Variants in RBL1 observed in about 807,000 individuals in gnomAD.
The protein encoded by RBL1 is RB transcriptional corepressor like 1.
RBL1 carries 82 observed loss-of-function variants against 123.0 expected under a neutral mutation model. That is an observed-to-expected ratio of 0.67 (90% CI 0.56 to 0.80). RBL1 has a LOEUF of 0.80. RBL1 is among the 30% of genes least tolerant of loss of function. The pLI is 0.00. For missense variants in RBL1, 1,171 were observed against 1,299.6 expected (o/e 0.90, Z 1.52); for synonymous variants, 405 against 441.3 (o/e 0.92, Z 1.03).
intron 9 of RBL1, among the ~76,000 whole-genome samples, chr20:37,059,522 A>G (rs985949026): frequency 3.3e-5 from 5 of 152,148 alleles, no homozygotes; most frequent in African/African-American, 9.6e-5. Context: ...CGGACTTTCA[A>G]TTGGGAAGGT....
Position 37,095,993 on chromosome 20 carries a change from C to A in RBL1, c.-65G>T. The A allele has an allele frequency of 7.8e-7, 1 of 1,279,680 alleles. No individual in the cohort carries two copies. The highest frequency in any genetic ancestry group is 2.9e-4 in the Middle Eastern group (1 of 3,402). 79.3% of individuals were successfully genotyped at this position (1,279,680 alleles called of 1,614,324 possible). Reference sequence around the variant, plus strand: ...TTCTTTCTCCCTCCCAGGCGCGCTACCCACAACCACCTGCGCCAAAGCGCG... The same window carrying A: ...TTCTTTCTCCCTCCCAGGCGCGCTAACCACAACCACCTGCGCCAAAGCGCG... On this transcript the variant is annotated 5_prime_UTR_variant, in exon 1 of 22. Coordinates refer to ENST00000373664, the MANE Select transcript of RBL1 (RefSeq NM_002895.5).
At chr20:37,044,352 T>G in intron 12 of RBL1, 102 bp from the exon 13 acceptor site, 1 of 1,204,372 alleles carries the variant, frequency 8.3e-7, no homozygotes, top group Non-Finnish European at 1.2e-6. Context: ...TTCTTCTTTT[T>G]TTTGAGACGG....
intron 11 of RBL1, among the ~76,000 whole-genome samples, chr20:37,054,044 C>T (rs1447630197): frequency 6.6e-6 from 1 of 151,806 alleles, no homozygotes; most frequent in Non-Finnish European, 1.5e-5. Context: ...CACACACACA[C>T]ACACACACAC....
chr20:37,068,244 T>C, intron 2 of RBL1, 58 bp from the exon 3 acceptor site: 2 of 1,495,616 alleles, frequency 1.3e-6, no homozygotes, highest in East Asian at 4.9e-5. Flanking sequence ...AATAATGGAT[T>C]GAAAGGAAAT....
intron 7 of RBL1, among the ~76,000 whole-genome samples, chr20:37,062,729 G>A (rs1252300349): frequency 6.6e-6 from 1 of 151,848 alleles, no homozygotes; most frequent in African/African-American, 2.4e-5. Context: ...GCCGAGGCGG[G>A]CAGATCACGA....
chr20:37,049,917 C>A (rs1386846911), intron 11 of RBL1, among the ~76,000 whole-genome samples: 1 of 151,758 alleles, frequency 6.6e-6, no homozygotes, highest in African/African-American at 2.4e-5. Context: ...ACAAAAGTAG[C>A]CAGGTGTGGT....
intron 11 of RBL1, among the ~76,000 whole-genome samples, chr20:37,049,052 A>T (rs994847143): frequency 6.6e-6 from 1 of 151,828 alleles, no homozygotes; most frequent in African/African-American, 2.4e-5. Flanking sequence ...AAAACACAAA[A>T]ATTAGCTGGG....
intron 19 of RBL1, among the ~76,000 whole-genome samples, chr20:37,010,760 ATGTGTG>A (rs374094594): frequency 1.3e-4 from 19 of 143,066 alleles, no homozygotes; most frequent in African/African-American, 3.1e-4. Flanking sequence ...GCACATGACT[ATGTGTG>A]TGTGTGTGTG....
In RBL1 at chr20:37,060,340, T is replaced by C. The variant is rs554172981; in HGVS notation, c.1250+763A>G. Among the ~76,000 whole-genome samples the C allele has an allele frequency of 6.6e-5, 10 of 152,112 alleles. No homozygotes were observed. The South Asian group carries it at 1.9e-3, about 28-fold the overall frequency. On this transcript the variant is annotated intron_variant, in intron 9 of 21. Transcript: ENST00000373664. Reference sequence around the variant, plus strand: ...CTTTAGAAACAAACAAAAATAAAAATAAATTAAAAATAAAGTCAATGTAAA... The same window carrying C: ...CTTTAGAAACAAACAAAAATAAAAACAAATTAAAAATAAAGTCAATGTAAA...
intron 12 of RBL1, 75 bp downstream of exon 12, chr20:37,046,978 A>G (rs1334193557): frequency 2.7e-6 from 4 of 1,467,086 alleles, no homozygotes; most frequent in Admixed American, 3.0e-5. Flanking sequence ...GTTTTTCTTC[A>G]GCACTAAGAT....
At chr20:37,007,882 T>A (rs920828613) in intron 19 of RBL1, among the ~76,000 whole-genome samples, 2 of 152,092 alleles carry the variant, frequency 1.3e-5, no homozygotes, top group African/African-American at 4.8e-5. Flanking sequence ...TGAGCCACCA[T>A]GCCCAGCCAC....
At chr20:37,083,630 CAAAAAAAAAAAAAA>C in intron 2 of RBL1, among the ~76,000 whole-genome samples, 1 of 57,358 alleles carries the variant, frequency 1.7e-5, no homozygotes, top group African/African-American at 7.6e-5. Context: ...ACTAAAAATA[CAAAAAAAAAAAAAA>C]AAAAAAAAAA....
rs2064586879 is a variant in RBL1, at chr20:37,035,244, T to C, written c.2168A>G (p.His723Arg). ...AAACAAATGCACTATAACGTTACCA[T>C]GTAATGGAATTGTAACTTTATGTCC... ...TTGHKVTIPL[H>R]GVANDAGEIT... The change falls in exon 15 of 22, where the codon CAT (histidine) becomes CGT (arginine). Residue 723 changes from histidine (H) to arginine (R), a missense_variant and splice_region_variant. Physicochemically the swap from His to Arg is conservative, Grantham distance 29. Transcript: ENST00000373664. 1 of 1,611,640 alleles carries C rather than the reference T, an allele frequency of 6.2e-7. No homozygotes were observed. The highest frequency in any genetic ancestry group is 8.5e-7 in the Non-Finnish European group (1 of 1,178,468).
At chr20:37,008,143 T>G (rs2064105028) in intron 19 of RBL1, among the ~76,000 whole-genome samples, 1 of 152,164 alleles carries the variant, frequency 6.6e-6, no homozygotes, top group South Asian at 2.1e-4. Context: ...CACTAGTGGC[T>G]CTTAGAGGGG....
At chr20:37,089,865 A>ACATGGCAAAACTCCGT (rs2065620385) in intron 1 of RBL1, among the ~76,000 whole-genome samples, 1 of 152,142 alleles carries the variant, frequency 6.6e-6, no homozygotes, top group African/African-American at 2.4e-5. Flanking sequence ...AGCCTGGCCA[A>ACATGGCAAAACTCCGT]CATGGCAAAA....
intron 9 of RBL1, among the ~76,000 whole-genome samples, chr20:37,058,151 A>AAAAAAAC (rs2065043467): frequency 2.0e-5 from 3 of 150,366 alleles, no homozygotes; most frequent in South Asian, 2.1e-4. Flanking sequence ...AAAAAAAAAA[A>AAAAAAAC]AGCCTATTCC....
chr20:37,073,262 T>C (rs2065309475), intron 2 of RBL1, among the ~76,000 whole-genome samples: 1 of 152,160 alleles, frequency 6.6e-6, no homozygotes, highest in Non-Finnish European at 1.5e-5. Flanking sequence ...TTTCCTAACC[T>C]GGAACAAAAT....
rs1272696222 is a variant in RBL1, at chr20:37,003,497, C to T, written c.3036+205G>A. On this transcript the variant is annotated intron_variant, in intron 21 of 21. Coordinates refer to ENST00000373664, the MANE Select transcript of RBL1 (RefSeq NM_002895.5). ...ACATGCTGGACTTTCAAAGTGAACT[C>T]CACAAATACCATGTCAATAATAATG... 3.8e-6 allele frequency: 4 copies of T among 1,053,714 alleles called. No homozygotes were observed. The East Asian group carries it at 1.1e-4, about 29-fold the overall frequency. The allele number at this position is 1,053,714 out of a possible 1,614,324, so 65.3% of individuals were successfully genotyped here.
intron 14 of RBL1, among the ~76,000 whole-genome samples, chr20:37,037,606 C>CA (rs908113463): frequency 6.0e-5 from 9 of 150,834 alleles, no homozygotes; most frequent in African/African-American, 1.2e-4. Flanking sequence ...TCGTAAAGAT[C>CA]AAAAAACAAT....
Sources: allele counts gnomAD v4.1 joint callset (sites outside exome capture counted in the v4.1 genomes callset), GRCh38; gene constraint gnomAD v4.1.1; transcripts MANE v1.5; gene names NCBI Gene and HGNC (gene_info 2026-07-23, HGNC 2026-07-21).